Variants in COL5A1 observed in about 807,000 individuals in gnomAD.
COL5A1 encodes collagen type V alpha 1 chain, also known as collagen alpha-1(V) chain.
Under a neutral mutation model 263.7 loss-of-function variants are expected in COL5A1, and 16 were observed. The observed-to-expected ratio is 0.06, with a 90% CI of 0.04 to 0.09. The LOEUF (loss-of-function observed/expected upper bound fraction) is 0.09, where lower values mean the gene tolerates loss of function less well. COL5A1 is among the 10% of genes least tolerant of loss of function. The pLI, the probability that COL5A1 is intolerant of heterozygous loss-of-function variation, is 1.00. For synonymous variants in COL5A1, 1,012 were observed against 1,004.5 expected (o/e 1.01, Z -0.14); for missense variants, 2,036 against 2,540.5 (o/e 0.80, Z 4.27).
chr9:134,828,613 A>G (rs373864152), intron 63 of COL5A1, among the ~76,000 whole-genome samples: 5 of 2,314 alleles, frequency 2.2e-3, no homozygotes, highest in East Asian at 0.014. Flanking sequence ...TACACACCAT[A>G]CACCACACAC....
intron 32 of COL5A1, among the ~76,000 whole-genome samples, chr9:134,792,797 A>C (rs1167750581): frequency 2.2e-5 from 3 of 133,712 alleles, no homozygotes; most frequent in Non-Finnish European, 4.7e-5. Context: ...GTGTGTGTGC[A>C]TGTGTGCGTG....
At chr9:134,692,461 C>T (rs1335385669) in intron 2 of COL5A1, among the ~76,000 whole-genome samples, 1 of 152,176 alleles carries the variant, frequency 6.6e-6, no homozygotes, top group Non-Finnish European at 1.5e-5. Flanking sequence ...AGAAATTGCA[C>T]CCTTTTCTGC....
intron 1 of COL5A1, among the ~76,000 whole-genome samples, chr9:134,656,203 G>A (rs1005659397): frequency 1.3e-5 from 2 of 152,126 alleles, no homozygotes; most frequent in African/African-American, 4.8e-5. Context: ...CGTCCTGCCC[G>A]CCCAGTGCAG....
intron 35 of COL5A1, 36 bp downstream of exon 35, chr9:134,796,454 G>C: frequency 6.2e-7 from 1 of 1,609,628 alleles, no homozygotes; most frequent in Non-Finnish European, 8.5e-7. Flanking sequence ...GTCTCCAAGG[G>C]CAGAGCCTGC....
chr9:134,689,800 C>T (rs1169365085), intron 1 of COL5A1, among the ~76,000 whole-genome samples: 5 of 152,188 alleles, frequency 3.3e-5, no homozygotes, highest in African/African-American at 4.8e-5. Context: ...GGGCAGTTGC[C>T]GGCTGCTGGG....
At position 134,794,578 on chromosome 9, in the gene COL5A1, TATTAA is replaced by T. The variant is rs1837827448; in HGVS notation, c.2701-500_2701-496del. Reference sequence around the variant, plus strand: ...ATGACTCTTGGATATATGATTTATATATTAAATTCCAAGTTTGCGCGTCTGCAGAG... The same window carrying T: ...ATGACTCTTGGATATATGATTTATATATTCCAAGTTTGCGCGTCTGCAGAG... On this transcript the variant is annotated intron_variant, in intron 32 of 65. Coordinates refer to ENST00000371817, the MANE Select transcript of COL5A1 (RefSeq NM_000093.5). The surrounding 1 kb of genome is among the most constrained non-coding windows in gnomAD (Gnocchi z 4.3). 6.6e-6 allele frequency among the ~76,000 whole-genome samples: 1 copy of T among 152,236 alleles called. No homozygotes were observed. Among genetic ancestry groups the T allele is most frequent in the African/African-American group, 2.4e-5 (1 of 41,478 alleles).
At chr9:134,746,444 C>A (rs1425322287) in intron 11 of COL5A1, among the ~76,000 whole-genome samples, 2 of 152,252 alleles carry the variant, frequency 1.3e-5, no homozygotes, top group Non-Finnish European at 2.9e-5. Flanking sequence ...TGGAAAGAGG[C>A]CTTGTGCCTC....
In COL5A1 at chr9:134,728,771, C is replaced by T. The variant is rs747624704; in HGVS notation, c.888C>T (p.Pro296=). 54 of 1,614,050 alleles carry T rather than the reference C, an allele frequency of 3.3e-5. No individual in the cohort carries two copies. The East Asian group carries it at 8.9e-4, about 27-fold the overall frequency. The part of the protein sequence containing the change: ...LGKEPTPSKK[P]VEAAKETTEV... ...AGGAGCCCACCCCCAGCAAGAAGCC[C>T]GTGGAAGCTGCCAAAGAAACCACAG... The change falls in exon 6 of 66, where the codon CCC becomes CCT. Residue 296 remains proline (P), a synonymous_variant. Transcript: ENST00000371817.
intron 1 of COL5A1, among the ~76,000 whole-genome samples, chr9:134,685,749 T>C (rs1328734824): frequency 3.6e-5 from 5 of 139,078 alleles, no homozygotes; most frequent in Non-Finnish European, 6.2e-5. Context: ...CATCCATCCA[T>C]CCACCATCCA....
rs113171199 is a variant in COL5A1 at position 134,822,726 on chromosome 9, C to A, written c.4609-272C>A. Among the ~76,000 whole-genome samples the A allele has an allele frequency of 9.7e-3, 1,462 of 150,624 alleles. 13 individuals are homozygous for A. The highest frequency in any genetic ancestry group is 0.024 in the Middle Eastern group (7 of 290). ...ACATGCTCTTTTCCGCTGCGCCCCC[C>A]CCGCGGCTGTCTGAGCTGGGGTTTC... On this transcript the variant is annotated intron_variant, in intron 59 of 65. Coordinates refer to ENST00000371817, the MANE Select transcript of COL5A1 (RefSeq NM_000093.5).
intron 27 of COL5A1, among the ~76,000 whole-genome samples, chr9:134,779,112 T>C (rs1282909158): frequency 6.6e-6 from 1 of 152,248 alleles, no homozygotes; most frequent in Non-Finnish European, 1.5e-5. Flanking sequence ...CAGTGCTCTG[T>C]GGCCCCGGCT....
chr9:134,796,239 TG>T (rs1312407557), intron 34 of COL5A1, 134 bp from the exon 35 acceptor site: 1 of 944,932 alleles, frequency 1.1e-6, no homozygotes, highest in Non-Finnish European at 1.7e-6. Flanking sequence ...TGCCCCTTAC[TG>T]AGGGTCAGGG....
intron 65 of COL5A1, among the ~76,000 whole-genome samples, chr9:134,840,361 G>A (rs1377439312): frequency 6.6e-6 from 1 of 152,182 alleles, no homozygotes; most frequent in Non-Finnish European, 1.5e-5. Context: ...GACTCTCATG[G>A]ATAATAGCAG....
chr9:134,790,605 C>CCCACCCATCCAT lies in COL5A1; in HGVS notation c.2700+1400_2700+1401insCCCATCCATCCA, dbSNP rs775802212. On this transcript the variant is annotated intron_variant, in intron 32 of 65. Transcript: ENST00000371817. ...ATCCATCCATCTATCCATCCACCCA[C>CCCACCCATCCAT]CCATCCATCCATCCATCCATCCATC... Among the ~76,000 whole-genome samples, 138 of 84,542 alleles carry CCCACCCATCCAT rather than the reference C, an allele frequency of 1.6e-3. 1 individual carries two copies. Among genetic ancestry groups the CCCACCCATCCAT allele is most frequent in the African/African-American group, 7.3e-3 (125 of 17,146 alleles). The allele number at this position is 84,542 out of a possible 152,430, so 55.5% of individuals were successfully genotyped here.
Position 134,730,427 on chromosome 9 carries a change from T to A in COL5A1, c.1116T>A (p.Ala372=). The A allele has an allele frequency of 2.5e-6, 4 of 1,614,102 alleles. No homozygotes were observed. The highest frequency in any genetic ancestry group is 3.4e-6 in the Non-Finnish European group (4 of 1,180,038). The change falls in exon 7 of 66, where the codon GCT becomes GCA. Residue 372 remains alanine (A), a synonymous_variant. Transcript: ENST00000371817. ...CCGACCAGCCCACAGACCCAGGCGC[T>A]GGGGCCGAAATTCCCACCAGCACCG... ...ENPDQPTDPG[A]GAEIPTSTAD... is the part of the protein sequence containing the mutation.
In COL5A1 at chr9:134,642,078, A is replaced by C; in HGVS notation, c.-110A>C. 1.0e-6 allele frequency: 1 copy of C among 973,252 alleles called. No homozygotes were observed. The highest frequency in any genetic ancestry group is 4.3e-5 in the Admixed American group (1 of 23,212). 60.3% of individuals were successfully genotyped at this position (973,252 alleles called of 1,614,324 possible). A position where few individuals can be genotyped will look rare whatever the true frequency, so the allele number is the denominator to read the frequency against. On this transcript the variant is annotated 5_prime_UTR_variant, in exon 1 of 66. It removes the in-frame stop codon of an upstream open reading frame in the 5' UTR. Coordinates refer to ENST00000371817, the MANE Select transcript of COL5A1 (RefSeq NM_000093.5). This position sits in a 1 kb window ranked among gnomAD's most constrained non-coding sequence, Gnocchi z 4.5. The stretch of plus-strand genomic sequence containing the variant: ...GGTGCCGAGGTCCCCATGACCTCCT[A>C]AAGTGGTGCGGTCCCTGCTGAGTGC...
intron 9 of COL5A1, among the ~76,000 whole-genome samples, chr9:134,733,385 T>C (rs559386400): frequency 6.6e-6 from 1 of 152,308 alleles, no homozygotes; most frequent in South Asian, 2.1e-4. Context: ...TCCTGGCCTA[T>C]GGAAGCGTCT....
intron 4 of COL5A1, among the ~76,000 whole-genome samples, chr9:134,724,620 C>T (rs1395573118): frequency 1.3e-5 from 2 of 152,238 alleles, no homozygotes; most frequent in Admixed American, 6.5e-5. Flanking sequence ...GATGGGTGTG[C>T]GCACAGAGCT....
At chr9:134,744,406 T>C (rs529735601) in intron 11 of COL5A1, among the ~76,000 whole-genome samples, 2 of 151,158 alleles carry the variant, frequency 1.3e-5, no homozygotes, top group African/African-American at 4.9e-5. Flanking sequence ...CAACCGTATA[T>C]GCACACATGT....
Sources: gnomAD v4.1 joint callset for allele counts (sites outside exome capture counted in the v4.1 genomes callset) on GRCh38, gnomAD v4.1.1 for gene constraint, Gnocchi (gnomAD v3.1) non-coding constraint, MANE v1.5 for transcripts, NCBI Gene and HGNC (gene_info 2026-07-23, HGNC 2026-07-21) for gene names.